FOXP1: variants seen among roughly 807,000 people sequenced by gnomAD.
FOXP1 encodes forkhead box P1.
A neutral mutation model predicts 98.2 loss-of-function variants in FOXP1; 15 were observed. The observed-to-expected ratio is 0.15, with a 90% confidence interval of 0.10 to 0.24. The LOEUF is 0.24. Ranked by LOEUF, FOXP1 falls within the 10% of genes least tolerant of loss-of-function variation. The pLI, the probability that FOXP1 is intolerant of heterozygous loss-of-function variation, is 1.00. For synonymous variants in FOXP1, 371 were observed against 314.5 expected, an observed-to-expected ratio of 1.18 and a Z score of -1.90; for missense variants, 633 against 848.5, an observed-to-expected ratio of 0.75 and a Z score of 3.15.
intron 9 of FOXP1, among the ~76,000 whole-genome samples, chr3:71,047,468 T>C (rs923955915): frequency 4.6e-5 from 7 of 152,220 alleles, no homozygotes; most frequent in Admixed American, 3.3e-4. Flanking sequence ...CCCCGAACCT[T>C]TGAGGTGTAA....
intron 5 of FOXP1, among the ~76,000 whole-genome samples, chr3:71,236,523 C>T: frequency 6.6e-6 from 1 of 152,140 alleles, no homozygotes; most frequent in East Asian, 1.9e-4. Flanking sequence ...ATAATGAGAG[C>T]CACAGAGGCA....
chr3:71,207,470 T>G (rs1201587655), intron 5 of FOXP1, among the ~76,000 whole-genome samples: 1 of 152,152 alleles, frequency 6.6e-6, no homozygotes, highest in African/African-American at 2.4e-5. Context: ...ATTTCTCCGT[T>G]GTGCAAAAGG....
chr3:71,113,884 C>T (rs916826566), intron 6 of FOXP1, among the ~76,000 whole-genome samples: 1 of 151,930 alleles, frequency 6.6e-6, no homozygotes, highest in Non-Finnish European at 1.5e-5. Flanking sequence ...GCACTAGGAC[C>T]AGCAACAGAA....
intron 5 of FOXP1, among the ~76,000 whole-genome samples, chr3:71,269,222 C>T (rs1030022931): frequency 6.6e-6 from 1 of 151,734 alleles, no homozygotes; most frequent in African/African-American, 2.4e-5. Context: ...TTCAGAGATC[C>T]AGTTCTCAGT....
chr3:71,495,882 G>A (rs2091372268), intron 2 of FOXP1, among the ~76,000 whole-genome samples: 1 of 152,182 alleles, frequency 6.6e-6, no homozygotes, highest in Admixed American at 6.5e-5. Flanking sequence ...TAACAGGCAG[G>A]TAATGCAAAT....
At chr3:71,301,107 T>C (rs1384120128) in intron 4 of FOXP1, among the ~76,000 whole-genome samples, 1 of 152,210 alleles carries the variant, frequency 6.6e-6, no homozygotes, top group East Asian at 1.9e-4. Flanking sequence ...TCATGTTTAC[T>C]GTAAGAGGAA....
intron 3 of FOXP1, among the ~76,000 whole-genome samples, chr3:71,447,687 C>T (rs576239390): frequency 6.2e-4 from 94 of 152,328 alleles, no homozygotes; most frequent in Non-Finnish European, 1.1e-3. Flanking sequence ...CCTGTTCAGA[C>T]ACAGGTTGCA....
chr3:71,401,967 T>C (rs2081983160), intron 3 of FOXP1, among the ~76,000 whole-genome samples: 1 of 152,006 alleles, frequency 6.6e-6, no homozygotes, highest in Non-Finnish European at 1.5e-5. Context: ...CCCACCCCTA[T>C]CCTACTCCTC....
chr3:71,502,032 C>T (rs1186607252), intron 2 of FOXP1, among the ~76,000 whole-genome samples: 2 of 152,340 alleles, frequency 1.3e-5, no homozygotes, highest in East Asian at 1.9e-4. Flanking sequence ...ATCAGGAAGG[C>T]TCTTTTGGGG....
At chr3:71,562,581 G>A (rs538074943) in intron 2 of FOXP1, among the ~76,000 whole-genome samples, 1 of 152,312 alleles carries the variant, frequency 6.6e-6, no homozygotes, top group Admixed American at 6.5e-5. Context: ...GGATATGACA[G>A]ACACTGGGCA....
At chr3:71,399,212 G>A (rs565719175) in intron 3 of FOXP1, among the ~76,000 whole-genome samples, 111 of 152,200 alleles carry the variant, frequency 7.3e-4, no homozygotes, top group Non-Finnish European at 1.3e-3. Context: ...AGATATACAG[G>A]TATGTACATA....
At chr3:71,312,703 G>C (rs1241135338) in intron 4 of FOXP1, among the ~76,000 whole-genome samples, 2 of 152,202 alleles carry the variant, frequency 1.3e-5, no homozygotes, top group African/African-American at 4.8e-5. Context: ...TGGGGGAATA[G>C]GCCAGGCACG....
At chr3:71,255,752 T>C (rs1485621438) in intron 5 of FOXP1, among the ~76,000 whole-genome samples, 2 of 152,220 alleles carry the variant, frequency 1.3e-5, no homozygotes, top group African/African-American at 4.8e-5. Flanking sequence ...ACACATATTA[T>C]GTTTTATTAT....
At chr3:71,007,815 C>A (rs2042997049) in intron 12 of FOXP1, among the ~76,000 whole-genome samples, 1 of 152,138 alleles carries the variant, frequency 6.6e-6, no homozygotes, top group Non-Finnish European at 1.5e-5. Context: ...AAGCAAGTTA[C>A]CAATGAAATG....
At chr3:71,467,219 A>G (rs966794344) in intron 3 of FOXP1, among the ~76,000 whole-genome samples, 1 of 152,230 alleles carries the variant, frequency 6.6e-6, no homozygotes, top group Non-Finnish European at 1.5e-5. Context: ...ATATATATAC[A>G]CATACATATA....
intron 6 of FOXP1, among the ~76,000 whole-genome samples, chr3:71,129,268 T>TCG (rs2059417222): frequency 6.6e-6 from 1 of 152,178 alleles, no homozygotes; most frequent in Non-Finnish European, 1.5e-5. Context: ...CTTAAGGCAG[T>TCG]CGCAAACATC....
At chr3:71,332,110 G>A (rs1304059120) in intron 4 of FOXP1, 1 of 152,250 alleles carries the variant, frequency 6.6e-6, no homozygotes, top group Non-Finnish European at 1.5e-5. Flanking sequence ...TACTGTGGAA[G>A]CTTTGTTCTT....
chr3:71,015,939 C>T (rs758563680), intron 11 of FOXP1, among the ~76,000 whole-genome samples: 1 of 152,050 alleles, frequency 6.6e-6, no homozygotes, highest in Non-Finnish European at 1.5e-5. Flanking sequence ...ACTCAGACTG[C>T]GAAGGAGTCT....
intron 6 of FOXP1, among the ~76,000 whole-genome samples, chr3:71,158,183 A>G (rs1362393000): frequency 1.8e-4 from 22 of 124,226 alleles, no homozygotes; most frequent in Admixed American, 5.5e-4. Flanking sequence ...GAAGGAGGGA[A>G]GGAGGGAGGG....
Sources: gnomAD v4.1 joint callset for allele counts (sites outside exome capture counted in the v4.1 genomes callset) on GRCh38, gnomAD v4.1.1 for gene constraint, MANE v1.5 for transcripts, NCBI Gene and HGNC (gene_info 2026-07-23, HGNC 2026-07-21) for gene names.